The following CADPS2 variants were observed in gnomAD, a reference collection of about 807,000 sequenced individuals.
CADPS2 encodes calcium dependent secretion activator 2, also known as calcium-dependent secretion activator 2.
A neutral mutation model predicts 172.5 loss-of-function variants in CADPS2; 93 were observed. The ratio of observed to expected loss-of-function variants is 0.54; its 90% CI spans 0.46 to 0.64. The LOEUF (loss-of-function observed/expected upper bound fraction) is 0.64. Ranked by LOEUF, CADPS2 falls within the 30% of genes least tolerant of loss-of-function variation. CADPS2 has a pLI of 0.00. For synonymous variants in CADPS2, 546 were observed against 555.2 expected (o/e 0.98, Z 0.23); for missense variants, 1,420 against 1,565.9 (o/e 0.91, Z 1.57).
chr7:122,882,066 C>CTTTA (rs1012656961), intron 1 of CADPS2, among the ~76,000 whole-genome samples: 45 of 152,104 alleles, frequency 3.0e-4, no homozygotes, highest in Non-Finnish European at 4.1e-4. Context: ...AAAGTGGCCA[C>CTTTA]TTTATAGTAG....
At position 122,393,508 on chromosome 7, in the gene CADPS2, G is replaced by A; in HGVS notation, c.2821C>T (p.Leu941Phe). Residue 941 changes from leucine (L) to phenylalanine (F), a missense_variant, in exon 21 of 30, where the codon CTC (leucine) becomes TTC (phenylalanine). By Grantham distance (22) the Leu-to-Phe change is conservative. Transcript: ENST00000449022. ...GACTGGGCGATGGAAGACTCCATGA[G>A]ATCCACATAGCGGACAACCAAGGGT... Reference protein sequence around the residue: ...FVPLVVRYVDLMESSIAQSIH... With the variant: ...FVPLVVRYVDFMESSIAQSIH... 1 of 1,613,886 alleles carries A rather than the reference G, an allele frequency of 6.2e-7. No individual in the cohort carries two copies. Among genetic ancestry groups the A allele is most frequent in the Non-Finnish European group, 8.5e-7 (1 of 1,179,830 alleles).
At chr7:122,583,973 ATAG>A (rs1314165354) in intron 6 of CADPS2, among the ~76,000 whole-genome samples, 2 of 151,542 alleles carry the variant, frequency 1.3e-5, no homozygotes, top group Non-Finnish European at 3.0e-5. Context: ...ATCTGTAATT[ATAG>A]TAGATTACTC....
chr7:122,425,547 G>A (rs943098715), intron 17 of CADPS2, among the ~76,000 whole-genome samples: 8 of 151,928 alleles, frequency 5.3e-5, no homozygotes. Context: ...CAGAGGCTAC[G>A]GTGAGCTGTG....
At chr7:122,496,010 C>T (rs1374333390) in intron 9 of CADPS2, among the ~76,000 whole-genome samples, 1 of 151,954 alleles carries the variant, frequency 6.6e-6, no homozygotes, top group Non-Finnish European at 1.5e-5. Context: ...CATTTTATAC[C>T]ATTTTCCACA....
intron 7 of CADPS2, among the ~76,000 whole-genome samples, chr7:122,556,990 C>T (rs1222275573): frequency 6.6e-6 from 1 of 152,020 alleles, no homozygotes; most frequent in South Asian, 2.1e-4. Flanking sequence ...ATATGTATAT[C>T]TAATTCCCTA....
chr7:122,792,938 T>C (rs116650767), intron 1 of CADPS2, among the ~76,000 whole-genome samples: 32 of 152,296 alleles, frequency 2.1e-4, no homozygotes, highest in African/African-American at 7.5e-4. Context: ...TACATATTTG[T>C]ACAAATTAAA....
intron 1 of CADPS2, among the ~76,000 whole-genome samples, chr7:122,750,489 T>C (rs1381302693): frequency 6.6e-6 from 1 of 152,118 alleles, no homozygotes; most frequent in African/African-American, 2.4e-5. Context: ...CCTGTTTCTA[T>C]GCCCAGTTAT....
At chr7:122,523,039 AG>A (rs1169830173) in intron 8 of CADPS2, among the ~76,000 whole-genome samples, 1 of 152,198 alleles carries the variant, frequency 6.6e-6, no homozygotes, top group Non-Finnish European at 1.5e-5. Flanking sequence ...ATGGAGGTAC[AG>A]GTATCTCTTT....
intron 14 of CADPS2, among the ~76,000 whole-genome samples, chr7:122,454,033 G>A (rs1455215894): frequency 6.6e-6 from 1 of 152,150 alleles, no homozygotes; most frequent in Admixed American, 6.5e-5. Context: ...TTAGGCATAA[G>A]AAGCAGCCTT....
chr7:122,764,384 T>C (rs1340712293), intron 1 of CADPS2, among the ~76,000 whole-genome samples: 2 of 152,192 alleles, frequency 1.3e-5, no homozygotes, highest in African/African-American at 4.8e-5. Context: ...GACACATAAC[T>C]ATCTGACAAA....
At chr7:122,624,908 T>C (rs946000200) in intron 4 of CADPS2, among the ~76,000 whole-genome samples, 8 of 152,062 alleles carry the variant, frequency 5.3e-5, no homozygotes, top group African/African-American at 1.7e-4. Flanking sequence ...AAGTCATAAG[T>C]GGCATGGAGA....
In CADPS2 at chr7:122,481,467, G is replaced by A. The variant is rs62474602; in HGVS notation, c.1853-607C>T. 2.5e-3 allele frequency among the ~76,000 whole-genome samples: 377 copies of A among 152,264 alleles called. 2 individuals are homozygous for A. Among genetic ancestry groups the A allele is most frequent in the Non-Finnish European group, 4.2e-3 (287 of 68,022 alleles). On this transcript the variant is annotated intron_variant, in intron 11 of 29. Transcript: ENST00000449022. ...TTAGAAACAGATGATAGGGCTGGGCGCTGTGGCTCATGCCTGTAATCCCAG... is the reference window on the plus strand; with the variant it reads ...TTAGAAACAGATGATAGGGCTGGGCACTGTGGCTCATGCCTGTAATCCCAG...
intron 2 of CADPS2, among the ~76,000 whole-genome samples, chr7:122,733,030 T>C (rs530100935): frequency 2.0e-5 from 3 of 151,178 alleles, no homozygotes; most frequent in African/African-American, 7.3e-5. Context: ...TGACAACAGC[T>C]GCATACAGCA....
intron 2 of CADPS2, among the ~76,000 whole-genome samples, chr7:122,719,380 CTGACTAT>C (rs2090092964): frequency 6.7e-6 from 1 of 148,362 alleles, no homozygotes; most frequent in Admixed American, 6.7e-5. Flanking sequence ...CTCCGACTAT[CTGACTAT>C]CCCCCTATCC....
At chr7:122,555,927 T>A (rs575784037) in intron 7 of CADPS2, among the ~76,000 whole-genome samples, 3 of 152,048 alleles carry the variant, frequency 2.0e-5, no homozygotes, top group South Asian at 4.1e-4. Flanking sequence ...TAAGCAAGAC[T>A]CCCCTTCTCT....
chr7:122,499,185 A>C (rs2058998266), intron 9 of CADPS2, among the ~76,000 whole-genome samples: 2 of 152,250 alleles, frequency 1.3e-5, no homozygotes, highest in African/African-American at 4.8e-5. Flanking sequence ...TAATTGCCCA[A>C]GGGCAGATTT....
At chr7:122,402,061 C>T (rs910742167) in intron 20 of CADPS2, among the ~76,000 whole-genome samples, 1 of 151,996 alleles carries the variant, frequency 6.6e-6, no homozygotes, top group East Asian at 1.9e-4. Context: ...AAATAGAAAC[C>T]GAATTTGCTG....
intron 15 of CADPS2, among the ~76,000 whole-genome samples, chr7:122,444,381 A>G (rs924380853): frequency 6.6e-6 from 1 of 152,154 alleles, no homozygotes; most frequent in Non-Finnish European, 1.5e-5. Context: ...GAATCTGCCA[A>G]GTTATTTTCC....
intron 17 of CADPS2, among the ~76,000 whole-genome samples, chr7:122,434,514 C>T (rs1216770630): frequency 1.3e-5 from 2 of 152,162 alleles, no homozygotes; most frequent in Non-Finnish European, 2.9e-5. Flanking sequence ...AACTAATCTC[C>T]TACCTCTCTC....
Sources: gnomAD v4.1 joint callset for allele counts (sites outside exome capture counted in the v4.1 genomes callset) on GRCh38, gnomAD v4.1.1 for gene constraint, MANE v1.5 for transcripts, NCBI Gene and HGNC (gene_info 2026-07-23, HGNC 2026-07-21) for gene names.